SELPLG: variants seen among roughly 807,000 people sequenced by gnomAD.
The protein encoded by SELPLG is P-selectin glycoprotein ligand 1.
SELPLG carries 2 observed loss-of-function variants against 1.1 expected under a neutral mutation model. The ratio of observed to expected loss-of-function variants is 1.82; its 90% CI spans 0.74 to 5.71. The LOEUF is 5.71. SELPLG is among the 30% of genes most tolerant of loss of function. The pLI is 0.05. For synonymous variants in SELPLG, 230 were observed against 221.2 expected, an observed-to-expected ratio of 1.04 and a Z score of -0.35; for missense variants, 478 against 524.7, an observed-to-expected ratio of 0.91 and a Z score of 0.87.
Position 108,624,073 on chromosome 12 carries a change from CAG to C in SELPLG, c.233_234del (p.Pro78ArgfsTer278). ...GCAGCAGGCTCCACAGTGGTAGACT[CAG>C]GGGTTCCAGGCCCAGTCAGAGGAGT... The part of the protein sequence containing the change: ...DTTPLTGPGT[P>X]ESTTVEPAAR... On this transcript the variant is annotated frameshift_variant, in exon 2 of 2. Coordinates refer to ENST00000550948, the MANE Select transcript of SELPLG (RefSeq NM_003006.4). LOFTEE classifies it low-confidence loss of function (END_TRUNC). The C allele has an allele frequency of 1.9e-6, 3 of 1,614,224 alleles. No homozygotes were observed. The South Asian group carries it at 3.3e-5, about 18-fold the overall frequency.
In SELPLG at chr12:108,624,204, A is replaced by C; in HGVS notation, c.104T>G (p.Leu35Arg). The change falls in exon 2 of 2, where the codon CTG becomes CGG. Residue 35 changes from leucine to arginine, a missense_variant. Coordinates refer to ENST00000550948, the MANE Select transcript of SELPLG (RefSeq NM_003006.4). ...GGCCTGTCTCCGGTCCCGGGCAAGC[A>C]GGGGACCCAAGGCTTTCTCGGCTTC... is the stretch of plus-strand genomic sequence containing the variant. ...ADEAEKALGP[L>R]LARDRRQATE... 6.2e-7 allele frequency: 1 copy of C among 1,614,208 alleles called. No individual in the cohort carries two copies. The highest frequency in any genetic ancestry group is 8.5e-7 in the Non-Finnish European group (1 of 1,180,036).
At chr12:108,629,304 T>C (rs1405176355) in intron 1 of SELPLG, among the ~76,000 whole-genome samples, 1 of 151,862 alleles carries the variant, frequency 6.6e-6, no homozygotes, top group Non-Finnish European at 1.5e-5. Context: ...AAACTGGGGG[T>C]GGGGGGTTGT....
intron 1 of SELPLG, among the ~76,000 whole-genome samples, chr12:108,629,382 A>T (rs1367234066): frequency 6.6e-6 from 1 of 152,188 alleles, no homozygotes; most frequent in Non-Finnish European, 1.5e-5. Flanking sequence ...GCCAGGCCAC[A>T]GCTGAGCAGG....
In SELPLG at chr12:108,624,204, AG is replaced by A; in HGVS notation, c.103del (p.Leu35CysfsTer15). 1.2e-6 allele frequency: 2 copies of A among 1,614,208 alleles called. No individual in the cohort carries two copies. Among genetic ancestry groups the A allele is most frequent in the Non-Finnish European group, 1.7e-6 (2 of 1,180,036 alleles). On this transcript the variant is annotated frameshift_variant, in exon 2 of 2. Transcript: ENST00000550948. LOFTEE classifies it low-confidence loss of function (END_TRUNC). ...ADEAEKALGP[L>X]LARDRRQATE... ...GGCCTGTCTCCGGTCCCGGGCAAGC[AG>A]GGGACCCAAGGCTTTCTCGGCTTCA...
At chr12:108,632,207 C>T (rs1159777704) in intron 1 of SELPLG, 18 of 411,772 alleles carry the variant, frequency 4.4e-5, no homozygotes, top group Middle Eastern at 6.5e-4. Context: ...ACCCAGGGCA[C>T]GGCCTCGGAA....
At chr12:108,631,525 T>C (rs776798697) in intron 1 of SELPLG, among the ~76,000 whole-genome samples, 3 of 152,158 alleles carry the variant, frequency 2.0e-5, no homozygotes, top group Non-Finnish European at 2.9e-5. Context: ...CTGGGATTTA[T>C]AGGCATGAGC....
At chr12:108,632,605 C>A (rs1210097832) in intron 1 of SELPLG, among the ~76,000 whole-genome samples, 2 of 151,976 alleles carry the variant, frequency 1.3e-5, no homozygotes, top group Non-Finnish European at 2.9e-5. Flanking sequence ...ACCTCCCCCT[C>A]CCAGGTTCAA....
At chr12:108,624,733 A>G (rs564088061) in intron 1 of SELPLG, among the ~76,000 whole-genome samples, 67 of 144,056 alleles carry the variant, frequency 4.7e-4, no homozygotes, top group Non-Finnish European at 6.0e-5. Flanking sequence ...TCTGTCACCC[A>G]GGCTGGAGTA....
chr12:108,628,580 C>T (rs542697083), intron 1 of SELPLG: 15 of 152,442 alleles, frequency 9.8e-5, no homozygotes, highest in African/African-American at 3.6e-4. Flanking sequence ...AGGCAAAGCC[C>T]TCAGCCACTT....
intron 1 of SELPLG, among the ~76,000 whole-genome samples, chr12:108,631,530 A>C (rs1309491819): frequency 6.6e-6 from 1 of 152,196 alleles, no homozygotes; most frequent in African/African-American, 2.4e-5. Context: ...ATTTATAGGC[A>C]TGAGCCACGG....
At position 108,623,263 on chromosome 12, in the gene SELPLG, C is replaced by T; in HGVS notation, c.1045G>A (p.Gly349Ser). Residue 349 changes from glycine (G) to serine (S), a missense_variant, in exon 2 of 2, where the codon GGC becomes AGC. By Grantham distance (56) the Gly-to-Ser change is moderately conservative (BLOSUM62 0). Coordinates refer to ENST00000550948, the MANE Select transcript of SELPLG (RefSeq NM_003006.4). ...VVLAVRLSRKGHMYPVRNYSP... is the reference protein window; with the variant it reads ...VVLAVRLSRKSHMYPVRNYSP... Reference sequence around the variant, plus strand: ...TAATTACGCACGGGGTACATGTGGCCCTTGCGGGAGAGGCGGACCGCCAGC... The same window carrying T: ...TAATTACGCACGGGGTACATGTGGCTCTTGCGGGAGAGGCGGACCGCCAGC... 6.2e-7 allele frequency: 1 copy of T among 1,613,914 alleles called. No homozygotes were observed. The highest frequency in any genetic ancestry group is 1.3e-5 in the African/African-American group (1 of 75,022).
chr12:108,631,767 T>C, intron 1 of SELPLG: 1 of 908,738 alleles, frequency 1.1e-6, no homozygotes, highest in South Asian at 1.4e-5. Context: ...GACCTACATC[T>C]GGTTAGTTGA....
At position 108,624,028 on chromosome 12, in the gene SELPLG, C is replaced by G. The variant is rs770136272; in HGVS notation, c.280G>C (p.Asp94His). The change falls in exon 2 of 2, where the codon GAT becomes CAT. Residue 94 changes from aspartate (D) to histidine (H), a missense_variant. Asp to His is a moderately conservative substitution (Grantham distance 81). Transcript: ENST00000550948. The part of the protein sequence containing the change: ...EPAARRSTGL[D>H]AGGAVTELTT... ...AGCTCTGTGACTGCCCCTCCTGCAT[C>G]CAGGCCAGTAGAACGCCTTGCAGCA... The G allele has an allele frequency of 6.2e-7, 1 of 1,614,136 alleles. No homozygotes were observed. The highest frequency in any genetic ancestry group is 8.5e-7 in the Non-Finnish European group (1 of 1,180,054).
chr12:108,632,125 ACCCAGCCCTTCC>A lies in SELPLG; in HGVS notation c.-6+1603_-6+1614del, dbSNP rs2032069122. On this transcript the variant is annotated intron_variant, in intron 1 of 1. Coordinates refer to ENST00000550948, the MANE Select transcript of SELPLG (RefSeq NM_003006.4). ...GCCCCACTCTGGGCCCAGCCTAGCA[ACCCAGCCCTTCC>A]GCTCTCTGAGGTTTAACTCCCCTGG... 6 of 584,588 alleles carry A rather than the reference ACCCAGCCCTTCC, an allele frequency of 1.0e-5. No individual in the cohort carries two copies. In the South Asian group the frequency reaches 1.3e-4, roughly 12 times the overall value. 36.2% of individuals were successfully genotyped at this position (584,588 alleles called of 1,614,324 possible).
chr12:108,628,096 A>T (rs969365220), intron 1 of SELPLG, among the ~76,000 whole-genome samples: 4 of 151,974 alleles, frequency 2.6e-5, no homozygotes, highest in African/African-American at 9.7e-5. Context: ...TAAAATAAAA[A>T]AATTTTAAAT....
Position 108,623,815 on chromosome 12 carries a change from G to A in SELPLG, c.493C>T (p.Pro165Ser). 2.5e-6 allele frequency: 4 copies of A among 1,612,186 alleles called. No homozygotes were observed. Among genetic ancestry groups the A allele is most frequent in the Admixed American group, 1.7e-5 (1 of 59,806 alleles). Residue 165 changes from proline to serine, a missense_variant, in exon 2 of 2, where the codon CCA becomes TCA. Pro to Ser is a moderately conservative substitution (Grantham distance 74, BLOSUM62 -1). Transcript: ENST00000550948. ...GTCTGTGCCTCTGTGGCTGCCAGTG[G>A]AGTGGTCTGTGCCTCCGTGGCCGTC... ...RLTATEAQTT[P>S]LAATEAQTTP...
At position 108,623,801 on chromosome 12, in the gene SELPLG, T is replaced by C. The variant is rs570327656; in HGVS notation, c.507A>G (p.Thr169=). 17 of 1,608,104 alleles carry C rather than the reference T, an allele frequency of 1.1e-5. No homozygotes were observed. The highest frequency in any genetic ancestry group is 6.9e-5 in the African/African-American group (5 of 72,832). The change falls in exon 2 of 2, where the codon ACA becomes ACG. Residue 169 remains threonine, a synonymous_variant. Coordinates refer to ENST00000550948, the MANE Select transcript of SELPLG (RefSeq NM_003006.4). ...CTGCTGGTGGAGTGGTCTGTGCCTC[T>C]GTGGCTGCCAGTGGAGTGGTCTGTG... ...TEAQTTPLAA[T]EAQTTPPAAT... is the part of the protein sequence containing the mutation.
chr12:108,622,981 A>C lies in SELPLG; in HGVS notation c.*88T>G. 9.0e-6 allele frequency: 12 copies of C among 1,337,754 alleles called. No homozygotes were observed. Among genetic ancestry groups the C allele is most frequent in the South Asian group, 1.6e-5 (1 of 62,404 alleles). The allele number at this position is 1,337,754 out of a possible 1,614,324, so 82.9% of individuals were successfully genotyped here. A position where few individuals can be genotyped will look rare whatever the true frequency, so the allele number is the denominator to read the frequency against. On this transcript the variant is annotated 3_prime_UTR_variant, in exon 2 of 2. Coordinates refer to ENST00000550948, the MANE Select transcript of SELPLG (RefSeq NM_003006.4). ...TCCCCAGGGGTCTCCGAGGAAGCCCAGAGCTGTGGAATGGGGTCTGGGCAC... is the reference window on the plus strand; with the variant it reads ...TCCCCAGGGGTCTCCGAGGAAGCCCCGAGCTGTGGAATGGGGTCTGGGCAC...
At position 108,623,441 on chromosome 12, in the gene SELPLG, G is replaced by A. The variant is rs140202538; in HGVS notation, c.867C>T (p.Ser289=). ...TGGGAATGCCCTTGTGAGTAACAGA[G>A]GACACAGAAAAGGGTATGAACAGAC... ...KRGLFIPFSV[S]SVTHKGIPMA... is the part of the protein sequence containing the mutation. The change falls in exon 2 of 2, where the codon TCC becomes TCT. Residue 289 remains serine, a synonymous_variant. Transcript: ENST00000550948. 1.3e-4 allele frequency: 210 copies of A among 1,614,234 alleles called. 2 individuals are homozygous for A. In the Middle Eastern group the frequency reaches 2.6e-3, roughly 20 times the overall value.
Sources: gnomAD v4.1 joint callset for allele counts (sites outside exome capture counted in the v4.1 genomes callset) on GRCh38, gnomAD v4.1.1 for gene constraint, MANE v1.5 for transcripts, NCBI Gene and HGNC (gene_info 2026-07-23, HGNC 2026-07-21) for gene names.